The following RAPGEF6 variants were observed in gnomAD, a reference collection of about 807,000 sequenced individuals.
RAPGEF6 encodes the protein Rap guanine nucleotide exchange factor 6.
In RAPGEF6, 56 loss-of-function variants were observed where a neutral mutation model predicts 171.4. The ratio of observed to expected loss-of-function variants is 0.33; its 90% confidence interval spans 0.26 to 0.41. The LOEUF (loss-of-function observed/expected upper bound fraction) is 0.41, where lower values mean the gene tolerates loss of function less well. RAPGEF6 is among the 10% of genes least tolerant of loss of function. The pLI is 1.00. For synonymous variants in RAPGEF6, 692 were observed against 650.1 expected (o/e 1.06, Z -0.98); for missense variants, 1,674 against 1,921.4 (o/e 0.87, Z 2.41).
chr5:131,458,117 G>C (rs116569995), intron 19 of RAPGEF6, among the ~76,000 whole-genome samples: 3,063 of 152,256 alleles, frequency 0.02, 106 homozygotes, highest in African/African-American at 0.07. Context: ...AAATGTTCAA[G>C]ATTTACATGA....
intron 1 of RAPGEF6, among the ~76,000 whole-genome samples, chr5:131,634,373 G>C (rs1294800278): frequency 1.3e-5 from 2 of 151,826 alleles, no homozygotes; most frequent in African/African-American, 4.9e-5. Context: ...CTGTTAACTC[G>C]ACACAGCAAA....
intron 4 of RAPGEF6, among the ~76,000 whole-genome samples, chr5:131,589,419 T>C (rs760481673): frequency 6.6e-6 from 1 of 152,204 alleles, no homozygotes. Context: ...CTAGCAATGA[T>C]TGTTGTTGTG....
At chr5:131,465,872 T>C (rs1754299857) in intron 17 of RAPGEF6, among the ~76,000 whole-genome samples, 1 of 152,080 alleles carries the variant, frequency 6.6e-6, no homozygotes, top group Non-Finnish European at 1.5e-5. Context: ...TGGAAGATTT[T>C]GGGGGCTCAA....
In RAPGEF6 at chr5:131,489,579, GAGT is replaced by G; in HGVS notation, c.1804_1806del (p.Thr602del). 1 of 1,597,758 alleles carries G rather than the reference GAGT, an allele frequency of 6.3e-7. No individual in the cohort carries two copies. Among genetic ancestry groups the G allele is most frequent in the Non-Finnish European group, 8.5e-7 (1 of 1,172,912 alleles). Reference sequence around the variant, plus strand: ...TTGGTCTTCACAGTAAGTGCAAGATGAGTATTATTCCTCAAAATTTCAACGGCT... The same window carrying G: ...TTGGTCTTCACAGTAAGTGCAAGATGATTATTCCTCAAAATTTCAACGGCT... On this transcript the variant is annotated inframe_deletion, in exon 15 of 28. Transcript: ENST00000509018.
chr5:131,427,002 T>C lies in RAPGEF6; in HGVS notation c.*264A>G. 2 of 470,440 alleles carry C rather than the reference T, an allele frequency of 4.3e-6. No individual in the cohort carries two copies. Among genetic ancestry groups the C allele is most frequent in the Admixed American group, 4.1e-5 (1 of 24,668 alleles). The allele number at this position is 470,440 out of a possible 1,614,324, so 29.1% of individuals were successfully genotyped here. ...TCTGAGTTTACATTTTTTCTGTAAC[T>C]GTGGTCCCAAGGCAGTTCCGGCGTG... On this transcript the variant is annotated 3_prime_UTR_variant, in exon 28 of 28. Transcript: ENST00000509018.
intron 12 of RAPGEF6, among the ~76,000 whole-genome samples, chr5:131,496,881 G>T (rs1201582458): frequency 1.3e-5 from 2 of 151,396 alleles, no homozygotes; most frequent in Non-Finnish European, 2.9e-5. Flanking sequence ...GAATTGCTGG[G>T]CTATATGGTA....
chr5:131,549,905 C>A (rs1760811027), intron 5 of RAPGEF6, among the ~76,000 whole-genome samples: 1 of 152,060 alleles, frequency 6.6e-6, no homozygotes. Context: ...GTGTGTTGTT[C>A]CCCTCTATGT....
In RAPGEF6 at chr5:131,562,018, CCT is replaced by C; in HGVS notation, c.309_310del (p.Gly104MetfsTer2). 1 of 1,589,824 alleles carries C rather than the reference CCT, an allele frequency of 6.3e-7. No homozygotes were observed. Reference sequence around the variant, plus strand: ...AGGCTCTAATACAAGACAATCACATCCTCTTTTTCCTCCAAACTGCTTACCAA... The same window carrying C: ...AGGCTCTAATACAAGACAATCACATCCTTTTTCCTCCAAACTGCTTACCAA... On this transcript the variant is annotated frameshift_variant, in exon 5 of 28. Transcript: ENST00000509018. LOFTEE classifies it high-confidence loss of function.
chr5:131,432,710 G>A (rs1041207293), intron 25 of RAPGEF6, among the ~76,000 whole-genome samples: 7 of 152,078 alleles, frequency 4.6e-5, no homozygotes, highest in African/African-American at 1.2e-4. Context: ...CTATTCTGGT[G>A]TAATAGCAGA....
rs79348555 is a variant in RAPGEF6, at chr5:131,551,854, C to T, written c.352-3664G>A. Among the ~76,000 whole-genome samples, 9 of 151,996 alleles carry T rather than the reference C, an allele frequency of 5.9e-5. No individual in the cohort carries two copies. In the East Asian group the frequency reaches 1.7e-3, roughly 29 times the overall value. On this transcript the variant is annotated intron_variant, in intron 5 of 27. Coordinates refer to ENST00000509018, the MANE Select transcript of RAPGEF6 (RefSeq NM_016340.6). ...TCCAGGAATATAAAGAGTTAAATGC[C>T]CTTAACAAAGTTCCCACTGAATATA...
At chr5:131,562,206 G>GAA (rs947650175) in intron 4 of RAPGEF6, among the ~76,000 whole-genome samples, 159 bp from the exon 5 acceptor site, 2 of 140,102 alleles carry the variant, frequency 1.4e-5, no homozygotes, top group Admixed American at 7.1e-5. Context: ...AAAAAAGAAA[G>GAA]AAAAAAAAAA....
intron 24 of RAPGEF6, among the ~76,000 whole-genome samples, chr5:131,438,615 G>A (rs1752177722): frequency 6.6e-6 from 1 of 152,198 alleles, no homozygotes. Flanking sequence ...AGAGTGTGAA[G>A]GGTCAATATA....
chr5:131,451,590 T>A (rs1040948325), intron 21 of RAPGEF6, among the ~76,000 whole-genome samples: 1 of 151,738 alleles, frequency 6.6e-6, no homozygotes. Context: ...AGACCCTGTC[T>A]CAAAAACAAA....
chr5:131,568,027 G>T (rs1186295092), intron 4 of RAPGEF6, among the ~76,000 whole-genome samples: 3 of 152,086 alleles, frequency 2.0e-5, no homozygotes, highest in Non-Finnish European at 4.4e-5. Flanking sequence ...TAGTTTGCCT[G>T]GTATATCTCT....
chr5:131,615,693 A>C (rs529284981), intron 1 of RAPGEF6, among the ~76,000 whole-genome samples: 1 of 152,152 alleles, frequency 6.6e-6, no homozygotes, highest in African/African-American at 2.4e-5. Context: ...TGAGGTAAGG[A>C]GTTCACGACC....
chr5:131,472,598 G>A lies in RAPGEF6; in HGVS notation c.2228C>T (p.Ser743Phe), dbSNP rs1452178436. The A allele has an allele frequency of 6.2e-7, 1 of 1,613,760 alleles. No homozygotes were observed. Among genetic ancestry groups the A allele is most frequent in the African/African-American group, 1.3e-5 (1 of 74,884 alleles). Residue 743 changes from serine to phenylalanine, a missense_variant, in exon 17 of 28, where the codon TCC becomes TTC. Ser to Phe is a radical substitution (Grantham distance 155). This residue lies in a region of RAPGEF6 where 1,116 missense variants were observed against 1,321.5 expected (regional missense o/e 0.84). Transcript: ENST00000509018. ...CATATGAAAATTACCTGAAGGATTGGAAAAATCCAACATACTGGTGGTAGG... is the reference window on the plus strand; with the variant it reads ...CATATGAAAATTACCTGAAGGATTGAAAAAATCCAACATACTGGTGGTAGG... ...LQPTTSMLDF[S>F]NPSDIPDQVI...
intron 3 of RAPGEF6, among the ~76,000 whole-genome samples, chr5:131,601,906 G>T (rs1227542711): frequency 6.6e-6 from 1 of 151,958 alleles, no homozygotes; most frequent in African/African-American, 2.4e-5. Context: ...ATGGTGGTGG[G>T]CACCTGTAGT....
At chr5:131,609,658 C>A (rs892612377) in intron 1 of RAPGEF6, among the ~76,000 whole-genome samples, 2 of 152,192 alleles carry the variant, frequency 1.3e-5, no homozygotes, top group South Asian at 2.1e-4. Flanking sequence ...CTGTCAGCAA[C>A]AGAGACCAAC....
chr5:131,481,690 A>G (rs548070279), intron 15 of RAPGEF6, among the ~76,000 whole-genome samples: 1 of 152,326 alleles, frequency 6.6e-6, no homozygotes, highest in South Asian at 2.1e-4. Flanking sequence ...TAAAGCAAAG[A>G]TAAATCTGTA....
Sources: allele counts gnomAD v4.1 joint callset (sites outside exome capture counted in the v4.1 genomes callset), GRCh38; gene constraint gnomAD v4.1.1; regional missense constraint gnomAD v4.1.1; transcripts MANE v1.5; gene names NCBI Gene and HGNC (gene_info 2026-07-23, HGNC 2026-07-21).